Variants in ANKRD13A observed in about 807,000 individuals in gnomAD.
ANKRD13A encodes ankyrin repeat domain 13A.
A neutral mutation model predicts 81.3 loss-of-function variants in ANKRD13A; 48 were observed. The observed-to-expected ratio is 0.59, with a 90% CI of 0.47 to 0.75. The LOEUF (loss-of-function observed/expected upper bound fraction) is 0.75, where lower values mean the gene tolerates loss of function less well. ANKRD13A is among the 30% of genes least tolerant of loss of function. The pLI, the probability that ANKRD13A is intolerant of heterozygous loss-of-function variation, is 0.00. For synonymous variants in ANKRD13A, 230 were observed against 270.1 expected (o/e 0.85, Z 1.45); for missense variants, 612 against 734.0 (o/e 0.83, Z 1.92).
chr12:110,019,172 A>G lies in ANKRD13A; in HGVS notation c.578A>G (p.Asp193Gly). The G allele has an allele frequency of 6.2e-7, 1 of 1,607,688 alleles. No individual in the cohort carries two copies. The highest frequency in any genetic ancestry group is 8.5e-7 in the Non-Finnish European group (1 of 1,176,106). ...NWAELMEVNHDDKVVTTERFD... is the reference protein window; with the variant it reads ...NWAELMEVNHGDKVVTTERFD... Reference sequence around the variant, plus strand: ...GCGGAGTTAATGGAAGTCAACCATGATGACAAAGTGGTCACCACCGAACGC... The same window carrying G: ...GCGGAGTTAATGGAAGTCAACCATGGTGACAAAGTGGTCACCACCGAACGC... Residue 193 changes from aspartate to glycine, a missense_variant, in exon 6 of 15, where the codon GAT (aspartate) becomes GGT (glycine). Physicochemically the swap from Asp to Gly is moderately conservative, Grantham distance 94. Coordinates refer to ENST00000261739, the MANE Select transcript of ANKRD13A (RefSeq NM_033121.2).
intron 10 of ANKRD13A, 77 bp from the exon 11 acceptor site, chr12:110,029,401 A>G: frequency 6.6e-7 from 1 of 1,508,130 alleles, no homozygotes. Flanking sequence ...GCTGTTGTCT[A>G]GCCTACTGCA....
At chr12:110,005,971 C>T (rs915344561) in intron 1 of ANKRD13A, among the ~76,000 whole-genome samples, 1 of 152,066 alleles carries the variant, frequency 6.6e-6, no homozygotes, top group South Asian at 2.1e-4. Context: ...TGTGCACCAC[C>T]ACGCCTGGCT....
chr12:110,024,020 A>C, intron 6 of ANKRD13A, 26 bp from the exon 7 acceptor site: 1 of 1,608,124 alleles, frequency 6.2e-7, no homozygotes, highest in Non-Finnish European at 8.5e-7. Context: ...TACATGTAGA[A>C]ATTTGTGGTG....
chr12:110,002,472 T>C (rs1890029130), intron 1 of ANKRD13A, among the ~76,000 whole-genome samples: 1 of 151,940 alleles, frequency 6.6e-6, no homozygotes, highest in South Asian at 2.1e-4. Context: ...CAAAAATAGC[T>C]GGATGTGGTG....
chr12:110,023,818 G>T, intron 6 of ANKRD13A: 1 of 445,830 alleles, frequency 2.2e-6, no homozygotes. Flanking sequence ...AAGATTGGAG[G>T]CTTTCTATGC....
chr12:109,999,649 T>G lies in ANKRD13A; in HGVS notation c.-40T>G, dbSNP rs1889835752. The G allele has an allele frequency of 2.0e-6, 3 of 1,487,248 alleles. No homozygotes were observed. The Admixed American group carries it at 6.4e-5, about 32-fold the overall frequency. The allele number at this position is 1,487,248 out of a possible 1,614,324, so 92.1% of individuals were successfully genotyped here. A position where few individuals can be genotyped will look rare whatever the true frequency, so the allele number is the denominator to read the frequency against. Reference sequence around the variant, plus strand: ...CGGGAGACCCCGCCGGGGCCGAGACTTGGGGCGGGCGACGAGGACCAGGTT... The same window carrying G: ...CGGGAGACCCCGCCGGGGCCGAGACGTGGGGCGGGCGACGAGGACCAGGTT... On this transcript the variant is annotated 5_prime_UTR_variant, in exon 1 of 15. Transcript: ENST00000261739. This position sits in a 1 kb window ranked among gnomAD's most constrained non-coding sequence, Gnocchi z 4.3.
In ANKRD13A at chr12:110,027,689, C is replaced by T; in HGVS notation, c.884-16C>T. ...GAGATATAATATTAGACTTTAAACT[C>T]CCTACCCCTCTGTAGCAGACAGGAA... On this transcript the variant is annotated splice_polypyrimidine_tract_variant and intron_variant, in intron 8 of 14. Coordinates refer to ENST00000261739, the MANE Select transcript of ANKRD13A (RefSeq NM_033121.2). The T allele has an allele frequency of 6.2e-7, 1 of 1,613,700 alleles. No individual in the cohort carries two copies. Among genetic ancestry groups the T allele is most frequent in the Non-Finnish European group, 8.5e-7 (1 of 1,179,712 alleles).
At position 110,036,593 on chromosome 12, in the gene ANKRD13A, A is replaced by T. The variant is rs1414038775; in HGVS notation, c.1577+265A>T. Among the ~76,000 whole-genome samples, 1 of 152,332 alleles carries T rather than the reference A, an allele frequency of 6.6e-6. No individual in the cohort carries two copies. On this transcript the variant is annotated intron_variant, in intron 14 of 14. Transcript: ENST00000261739. This position sits in a 1 kb window ranked among gnomAD's most constrained non-coding sequence, Gnocchi z 4.6. ...TGAAACCCTGTCTCTCCTAAAAAAA[A>T]TACAAAAAATTAGCCGGGCATGGTG...
At chr12:110,020,989 G>A (rs1453616945) in intron 6 of ANKRD13A, 3 of 349,270 alleles carry the variant, frequency 8.6e-6, no homozygotes, top group Non-Finnish European at 1.8e-5. Context: ...GTTGAAGTGC[G>A]ATTTGTGAAG....
chr12:110,015,067 C>T (rs1367621768), intron 3 of ANKRD13A, among the ~76,000 whole-genome samples: 1 of 152,084 alleles, frequency 6.6e-6, no homozygotes, highest in Non-Finnish European at 1.5e-5. Context: ...TGAGCCAGTG[C>T]GCCCGGCCGC....
At chr12:110,034,321 A>T (rs1157549516) in intron 13 of ANKRD13A, among the ~76,000 whole-genome samples, 1 of 152,136 alleles carries the variant, frequency 6.6e-6, no homozygotes, top group Non-Finnish European at 1.5e-5. Flanking sequence ...TCTCGGATGA[A>T]GGTAGTGAAG....
intron 13 of ANKRD13A, 55 bp downstream of exon 13, chr12:110,034,012 T>C: frequency 1.3e-6 from 2 of 1,487,004 alleles, no homozygotes; most frequent in Non-Finnish European, 9.0e-7. Context: ...ACCCTCTGGG[T>C]TAGCCTCAGT....
At chr12:110,021,073 G>T (rs1891052395) in intron 6 of ANKRD13A, 1 of 455,176 alleles carries the variant, frequency 2.2e-6, no homozygotes, top group Non-Finnish European at 4.4e-6. Context: ...TTTGTACCGA[G>T]GACTAAGGCA....
Position 110,037,705 on chromosome 12 carries a change from G to A in ANKRD13A, c.*151G>A, listed in dbSNP as rs1388131313. On this transcript the variant is annotated 3_prime_UTR_variant, in exon 15 of 15. Transcript: ENST00000261739. ...TCTTTATGCAGAGGTGCAGAACCAG[G>A]GACTCCTGGGCCCATCCAGGCTGCT... 2.6e-6 allele frequency: 2 copies of A among 762,204 alleles called. No homozygotes were observed. The highest frequency in any genetic ancestry group is 1.9e-5 in the South Asian group (1 of 51,654). 47.2% of individuals were successfully genotyped at this position (762,204 alleles called of 1,614,324 possible). A position where few individuals can be genotyped will look rare whatever the true frequency, so the allele number is the denominator to read the frequency against.
At chr12:110,027,413 T>C in intron 8 of ANKRD13A, 1 of 363,132 alleles carries the variant, frequency 2.8e-6, no homozygotes, top group Non-Finnish European at 5.1e-6. Context: ...AACACATGGG[T>C]AGCGAGTGGC....
Position 110,037,664 on chromosome 12 carries a change from G to A in ANKRD13A, c.*110G>A. The A allele has an allele frequency of 1.8e-6, 2 of 1,091,944 alleles. No homozygotes were observed. Among genetic ancestry groups the A allele is most frequent in the Non-Finnish European group, 2.6e-6 (2 of 777,128 alleles). 67.6% of individuals were successfully genotyped at this position (1,091,944 alleles called of 1,614,324 possible). On this transcript the variant is annotated 3_prime_UTR_variant, in exon 15 of 15. Coordinates refer to ENST00000261739, the MANE Select transcript of ANKRD13A (RefSeq NM_033121.2). ...GCCTGCACCTTGCGTGCATGCAGCA[G>A]GCAACAACTGCCCCTTCTTTATGCA...
intron 11 of ANKRD13A, 23 bp from the exon 12 acceptor site, chr12:110,030,622 A>C (rs745825593): frequency 6.2e-6 from 9 of 1,455,470 alleles, no homozygotes; most frequent in Non-Finnish European, 8.5e-6. Flanking sequence ...TTTACTTATA[A>C]AAGTTTTTAT....
At chr12:110,013,372 T>G (rs1234922438) in intron 3 of ANKRD13A, 123 bp downstream of exon 3, 2 of 1,165,788 alleles carry the variant, frequency 1.7e-6, no homozygotes, top group Admixed American at 4.8e-5. Flanking sequence ...TATGAAATAC[T>G]CAATACCAAT....
At chr12:110,021,997 G>A (rs1488847900) in intron 6 of ANKRD13A, 1 of 151,898 alleles carries the variant, frequency 6.6e-6, no homozygotes, top group Non-Finnish European at 1.5e-5. Context: ...TCTCAGTGGA[G>A]ACAGGCAGAG....
Sources: allele counts gnomAD v4.1 joint callset (sites outside exome capture counted in the v4.1 genomes callset), GRCh38; gene constraint gnomAD v4.1.1; non-coding constraint Gnocchi (gnomAD v3.1); transcripts MANE v1.5; gene names NCBI Gene and HGNC (gene_info 2026-07-23, HGNC 2026-07-21).